STK17A: variants seen among roughly 807,000 people sequenced by gnomAD.
STK17A encodes serine/threonine-protein kinase 17A.
A neutral mutation model predicts 43.7 loss-of-function variants in STK17A; 26 were observed. That is an observed-to-expected ratio of 0.60 (90% CI 0.44 to 0.83). The LOEUF is 0.83. Ranked by LOEUF, STK17A falls within the 40% of genes least tolerant of loss-of-function variation. The pLI, the probability that STK17A is intolerant of heterozygous loss-of-function variation, is 0.00. For missense variants in STK17A, 476 were observed against 511.6 expected, an observed-to-expected ratio of 0.93 and a Z score of 0.67; for synonymous variants, 191 against 182.5, an observed-to-expected ratio of 1.05 and a Z score of -0.38.
intron 3 of STK17A, among the ~76,000 whole-genome samples, chr7:43,610,688 C>T (rs1455093252): frequency 6.6e-6 from 1 of 152,082 alleles, no homozygotes; most frequent in South Asian, 2.1e-4. Context: ...TGCTATATGG[C>T]ACATTCCGTA....
At chr7:43,621,077 A>G (rs1470009736) in intron 4 of STK17A, among the ~76,000 whole-genome samples, 1 of 152,246 alleles carries the variant, frequency 6.6e-6, no homozygotes, top group Non-Finnish European at 1.5e-5. Context: ...CGGAGCACAG[A>G]AAGACTCAGG....
At chr7:43,593,352 A>G (rs2082492455) in intron 1 of STK17A, among the ~76,000 whole-genome samples, 1 of 152,220 alleles carries the variant, frequency 6.6e-6, no homozygotes, top group Admixed American at 6.5e-5. Flanking sequence ...GCTGTGATTA[A>G]CATATGAGTG....
At chr7:43,609,610 G>C (rs1361716966) in intron 3 of STK17A, 1 of 152,228 alleles carries the variant, frequency 6.6e-6, no homozygotes, top group African/African-American at 2.4e-5. Flanking sequence ...TTGATTTTCT[G>C]ATGGTTACTT....
chr7:43,600,404 C>T (rs1007562162), intron 2 of STK17A, among the ~76,000 whole-genome samples: 1 of 151,560 alleles, frequency 6.6e-6, no homozygotes, highest in Middle Eastern at 3.4e-3. Flanking sequence ...GGATTTTGAT[C>T]TTTTGGGATT....
chr7:43,625,098 A>G lies in STK17A; in HGVS notation c.*256A>G. Reference sequence around the variant, plus strand: ...AGATGTTGGCACCTTTGAATTCTACATCCTGTTTCTCCAGAATGAGAATTT... The same window carrying G: ...AGATGTTGGCACCTTTGAATTCTACGTCCTGTTTCTCCAGAATGAGAATTT... On this transcript the variant is annotated 3_prime_UTR_variant, in exon 7 of 7. Coordinates refer to ENST00000319357, the MANE Select transcript of STK17A (RefSeq NM_004760.3). 2 of 323,822 alleles carry G rather than the reference A, an allele frequency of 6.2e-6. No homozygotes were observed. Among genetic ancestry groups the G allele is most frequent in the Non-Finnish European group, 1.1e-5 (2 of 176,820 alleles). 20.1% of individuals were successfully genotyped at this position (323,822 alleles called of 1,614,324 possible).
At position 43,583,361 on chromosome 7, in the gene STK17A, C is replaced by G. The variant is rs568833473; in HGVS notation, c.118C>G (p.Arg40Gly). Residue 40 changes from arginine (R) to glycine (G), a missense_variant, in exon 1 of 7, where the codon CGC becomes GGC. Arg to Gly is a moderately radical substitution (Grantham distance 125). Around this residue, in one of 3 missense-constraint regions of STK17A, gnomAD observed 320 missense variants for 326.3 expected, o/e 0.98. Coordinates refer to ENST00000319357, the MANE Select transcript of STK17A (RefSeq NM_004760.3). ...PCRPPPPPQA[R>G]GLLTEIRAVV... ...CCGGCCGCCGCCGCCGCCCCAGGCC[C>G]GCGGGCTGCTGACAGAGATACGCGC... The G allele has an allele frequency of 6.9e-7, 1 of 1,444,736 alleles. No homozygotes were observed. Among genetic ancestry groups the G allele is most frequent in the Non-Finnish European group, 9.1e-7 (1 of 1,096,304 alleles). 89.5% of individuals were successfully genotyped at this position (1,444,736 alleles called of 1,614,324 possible). A position where few individuals can be genotyped will look rare whatever the true frequency, so the allele number is the denominator to read the frequency against.
intron 2 of STK17A, among the ~76,000 whole-genome samples, chr7:43,603,941 T>C (rs2082572447): frequency 6.6e-6 from 1 of 152,212 alleles, no homozygotes; most frequent in Admixed American, 6.5e-5. Flanking sequence ...ATTATGTATA[T>C]GCTAATATTT....
chr7:43,598,708 A>C (rs1244134813), intron 2 of STK17A, among the ~76,000 whole-genome samples: 1 of 152,036 alleles, frequency 6.6e-6, no homozygotes, highest in Non-Finnish European at 1.5e-5. Flanking sequence ...ATGTACAAAA[A>C]GGACATCTCT....
chr7:43,621,844 ACT>A (rs999377770), intron 4 of STK17A, among the ~76,000 whole-genome samples: 24 of 147,284 alleles, frequency 1.6e-4, no homozygotes, highest in African/African-American at 6.0e-4. Context: ...AAACAAAGGG[ACT>A]CTCCTCTTTT....
At chr7:43,588,090 A>C (rs2082455442) in intron 1 of STK17A, among the ~76,000 whole-genome samples, 1 of 151,522 alleles carries the variant, frequency 6.6e-6, no homozygotes, top group Non-Finnish European at 1.5e-5. Context: ...AGTTAACTAG[A>C]TTTCTTGAGA....
chr7:43,585,162 A>G (rs2152970100), intron 1 of STK17A, among the ~76,000 whole-genome samples: 1 of 151,816 alleles, frequency 6.6e-6, no homozygotes, highest in East Asian at 1.9e-4. Context: ...GCGCCGTTGC[A>G]CTCCAGCTTG....
In STK17A at chr7:43,598,770, T is replaced by G. The variant is rs574223295; in HGVS notation, c.419+2657T>G. Among the ~76,000 whole-genome samples the G allele has an allele frequency of 2.1e-5, 3 of 144,948 alleles. No homozygotes were observed. The East Asian group carries it at 6.0e-4, about 29-fold the overall frequency. Reference sequence around the variant, plus strand: ...TTTGTTGTTCTTTTTTGGTTTTTGGTTTTTTTTTTTTGAGACGGAGTCTTC... The same window carrying G: ...TTTGTTGTTCTTTTTTGGTTTTTGGGTTTTTTTTTTTGAGACGGAGTCTTC... On this transcript the variant is annotated intron_variant, in intron 2 of 6. Transcript: ENST00000319357.
At chr7:43,591,875 C>T (rs1183996821) in intron 1 of STK17A, among the ~76,000 whole-genome samples, 3 of 151,424 alleles carry the variant, frequency 2.0e-5, no homozygotes, top group Non-Finnish European at 3.0e-5. Flanking sequence ...AGCTGTCTTT[C>T]CATTTGGTCT....
intron 1 of STK17A, among the ~76,000 whole-genome samples, chr7:43,589,933 T>TTTTAATTTAA (rs1269144472): frequency 1.7e-5 from 2 of 114,616 alleles, no homozygotes; most frequent in Non-Finnish European, 4.1e-5. Context: ...TTAATTTTAA[T>TTTTAATTTAA]TTTAATTTTA....
intron 2 of STK17A, among the ~76,000 whole-genome samples, chr7:43,602,067 C>T (rs2082559375): frequency 6.6e-6 from 1 of 152,184 alleles, no homozygotes; most frequent in African/African-American, 2.4e-5. Context: ...CTTTGTTGCT[C>T]TCATGCCCTT....
At chr7:43,615,174 T>G (rs2083231527) in intron 3 of STK17A, among the ~76,000 whole-genome samples, 1 of 152,090 alleles carries the variant, frequency 6.6e-6, no homozygotes, top group Non-Finnish European at 1.5e-5. Flanking sequence ...TTGTTTTGTT[T>G]TTTGTTTGTT....
intron 3 of STK17A, among the ~76,000 whole-genome samples, chr7:43,616,867 A>G (rs2083401100): frequency 1.3e-5 from 2 of 152,334 alleles, no homozygotes; most frequent in Admixed American, 6.5e-5. Flanking sequence ...ACTGCACTCC[A>G]GCCTGGGCAA....
chr7:43,612,688 T>G (rs2152984895), intron 3 of STK17A, among the ~76,000 whole-genome samples: 1 of 152,308 alleles, frequency 6.6e-6, no homozygotes, highest in African/African-American at 2.4e-5. Context: ...AAGGATATAA[T>G]TGACGCTATG....
At chr7:43,606,406 A>G (rs976221382) in intron 2 of STK17A, among the ~76,000 whole-genome samples, 10 of 152,360 alleles carry the variant, frequency 6.6e-5, no homozygotes, top group African/African-American at 2.2e-4. Context: ...GCTTCTAAAC[A>G]TCAGTTATAT....
Sources: gnomAD v4.1 joint callset for allele counts (sites outside exome capture counted in the v4.1 genomes callset) on GRCh38, gnomAD v4.1.1 for gene constraint, gnomAD v4.1.1 regional missense constraint, MANE v1.5 for transcripts, NCBI Gene and HGNC (gene_info 2026-07-23, HGNC 2026-07-21) for gene names.